MTOR: variants seen among roughly 807,000 people sequenced by gnomAD.
MTOR encodes the protein mechanistic target of rapamycin kinase, also known as serine/threonine-protein kinase mTOR.
MTOR carries 70 observed loss-of-function variants against 319.8 expected under a neutral mutation model. The ratio of observed to expected loss-of-function variants is 0.22; its 90% CI spans 0.18 to 0.27. The LOEUF (loss-of-function observed/expected upper bound fraction) is 0.27. Ranked by LOEUF, MTOR falls within the 10% of genes least tolerant of loss-of-function variation. MTOR has a pLI of 1.00. For missense variants in MTOR, 1,890 were observed against 3,274.4 expected, an observed-to-expected ratio of 0.58 and a Z score of 10.32; for synonymous variants, 1,183 against 1,211.4, an observed-to-expected ratio of 0.98 and a Z score of 0.49.
chr1:11,114,208 T>G (rs1642043644), intron 53 of MTOR, 110 bp downstream of exon 53: 3 of 1,350,482 alleles, frequency 2.2e-6, no homozygotes, highest in Non-Finnish European at 3.1e-6. Flanking sequence ...TTGCCCAGGC[T>G]GGTCTCGAAC....
chr1:11,127,489 G>T lies in MTOR; in HGVS notation c.6216+135C>A. ...CTCGTTTTATTAAAGTCAGTGGAAAGGCCAGAGGAAAAGAAATCTGACAAA... is the reference window on the plus strand; with the variant it reads ...CTCGTTTTATTAAAGTCAGTGGAAATGCCAGAGGAAAAGAAATCTGACAAA... On this transcript the variant is annotated intron_variant, in intron 44 of 57. Transcript: ENST00000361445. The surrounding 1 kb of genome is among the most constrained non-coding windows in gnomAD (Gnocchi z 5.5). The T allele has an allele frequency of 9.4e-7, 1 of 1,063,464 alleles. No homozygotes were observed. The highest frequency in any genetic ancestry group is 1.3e-6 in the Non-Finnish European group (1 of 752,518). 65.9% of individuals were successfully genotyped at this position (1,063,464 alleles called of 1,614,324 possible). A position where few individuals can be genotyped will look rare whatever the true frequency, so the allele number is the denominator to read the frequency against.
chr1:11,251,264 C>T (rs2100955888), intron 6 of MTOR, among the ~76,000 whole-genome samples: 1 of 152,320 alleles, frequency 6.6e-6, no homozygotes, highest in African/African-American at 2.4e-5. Context: ...GTATTTGCTG[C>T]TCCTCTAATA....
Position 11,199,215 on chromosome 1 carries a change from C to A in MTOR, c.4253+43G>T, listed in dbSNP as rs1390114326. ...CACCAGGCAGTGGGAGAAGAGAGGT[C>A]ATTTTGCATGAAGGCAGCAATTAAA... On this transcript the variant is annotated intron_variant, in intron 28 of 57. Coordinates refer to ENST00000361445, the MANE Select transcript of MTOR (RefSeq NM_004958.4). The surrounding 1 kb of genome is among the most constrained non-coding windows in gnomAD (Gnocchi z 4.5). 6 of 1,613,736 alleles carry A rather than the reference C, an allele frequency of 3.7e-6. No individual in the cohort carries two copies. The highest frequency in any genetic ancestry group is 5.1e-6 in the Non-Finnish European group (6 of 1,179,698).
intron 54 of MTOR, among the ~76,000 whole-genome samples, chr1:11,110,006 A>AAG (rs1641775992): frequency 6.6e-6 from 1 of 151,992 alleles, no homozygotes; most frequent in Non-Finnish European, 1.5e-5. Flanking sequence ...AAAAAAAAAA[A>AAG]AAAATTTTTA....
At chr1:11,237,779 AAGC>A in intron 13 of MTOR, 61 bp downstream of exon 13, 3 of 1,573,464 alleles carry the variant, frequency 1.9e-6, no homozygotes, top group Non-Finnish European at 2.6e-6. Context: ...CCGCTTCCTC[AAGC>A]AGTTCTCACA....
intron 6 of MTOR, 144 bp downstream of exon 6, chr1:11,253,692 TTGC>T (rs1649998005): frequency 2.2e-6 from 2 of 929,732 alleles, no homozygotes; most frequent in African/African-American, 3.3e-5. Context: ...TTCATAGAAC[TTGC>T]TGCTATCTGA....
intron 30 of MTOR, among the ~76,000 whole-genome samples, chr1:11,154,189 CA>C (rs2100553867): frequency 7.0e-6 from 1 of 143,042 alleles, no homozygotes; most frequent in Admixed American, 7.1e-5. Context: ...ACAACAACAA[CA>C]ACAACAACAG....
chr1:11,175,771 G>T (rs1206712070), intron 28 of MTOR, among the ~76,000 whole-genome samples: 2 of 137,982 alleles, frequency 1.4e-5, no homozygotes, highest in Admixed American at 1.6e-4. Context: ...TTGAGACAGG[G>T]TCTCACTCTG....
intron 28 of MTOR, among the ~76,000 whole-genome samples, chr1:11,171,194 CAAA>C (rs946569273): frequency 4.1e-5 from 5 of 122,596 alleles, no homozygotes; most frequent in African/African-American, 6.0e-5. Flanking sequence ...GACTCTATCT[CAAA>C]AAAAAAAAAA....
intron 28 of MTOR, among the ~76,000 whole-genome samples, chr1:11,170,453 T>C (rs1352495965): frequency 2.6e-5 from 4 of 152,022 alleles, no homozygotes; most frequent in Non-Finnish European, 4.4e-5. Flanking sequence ...CAGTGGTTCA[T>C]GCCTGTAATC....
At chr1:11,208,846 G>C (rs1646222437) in intron 25 of MTOR, among the ~76,000 whole-genome samples, 1 of 152,186 alleles carries the variant, frequency 6.6e-6, no homozygotes, top group Middle Eastern at 3.2e-3. Context: ...CATCACATTA[G>C]CTGGCAGCTT....
At chr1:11,184,288 C>A (rs1414025304) in intron 28 of MTOR, among the ~76,000 whole-genome samples, 2 of 152,180 alleles carry the variant, frequency 1.3e-5, no homozygotes, top group African/African-American at 4.8e-5. Context: ...GGATTAGAAT[C>A]CAGATTTGTC....
chr1:11,241,854 G>C (rs1222078046), intron 9 of MTOR, among the ~76,000 whole-genome samples, 173 bp from the exon 10 acceptor site: 1 of 152,168 alleles, frequency 6.6e-6, no homozygotes, highest in Non-Finnish European at 1.5e-5. Flanking sequence ...AATTACTGTA[G>C]ATTTGTACAT....
intron 8 of MTOR, among the ~76,000 whole-genome samples, chr1:11,246,818 G>A (rs1648894003): frequency 6.6e-6 from 1 of 152,196 alleles, no homozygotes; most frequent in Admixed American, 6.5e-5. Flanking sequence ...AGTATGAACA[G>A]GCAACTAGAG....
intron 25 of MTOR, among the ~76,000 whole-genome samples, chr1:11,207,470 G>A (rs573653121): frequency 2.9e-5 from 4 of 135,642 alleles, no homozygotes; most frequent in African/African-American, 1.1e-4. Flanking sequence ...GTGCAGTGGC[G>A]CAATCATAGC....
Position 11,139,824 on chromosome 1 carries a change from G to T in MTOR, c.4873-166C>A, listed in dbSNP as rs12121277. ...CTCCTGCCTCAGCCTCCCGAGTAGC[G>T]GGGATTACAGGCGTGTGCCATCATG... On this transcript the variant is annotated intron_variant, in intron 34 of 57. Coordinates refer to ENST00000361445, the MANE Select transcript of MTOR (RefSeq NM_004958.4). 0.097 allele frequency among the ~76,000 whole-genome samples: 14,697 copies of T among 152,084 alleles called. 1,196 individuals carry two copies. The highest frequency in any genetic ancestry group is 0.2 in the African/African-American group (8,373 of 41,436).
intron 53 of MTOR, 148 bp downstream of exon 53, chr1:11,114,170 A>T: frequency 3.5e-6 from 3 of 864,548 alleles, no homozygotes; most frequent in Admixed American, 2.7e-5. Flanking sequence ...TAATTTTTTC[A>T]GTTTTTGCAG....
At chr1:11,210,781 G>C (rs1220958485) in intron 24 of MTOR, 33 bp downstream of exon 24, 2 of 1,460,044 alleles carry the variant, frequency 1.4e-6, no homozygotes, top group Admixed American at 3.6e-5. Flanking sequence ...AAAGACAACA[G>C]GGACTTCAGA....
chr1:11,131,259 T>C (rs977512584), intron 38 of MTOR: 74 of 172,850 alleles, frequency 4.3e-4, no homozygotes, highest in African/African-American at 1.6e-3. Flanking sequence ...AGGCCAGAGA[T>C]GTGCAGATTG....
Sources: allele counts gnomAD v4.1 joint callset (sites outside exome capture counted in the v4.1 genomes callset), GRCh38; gene constraint gnomAD v4.1.1; non-coding constraint Gnocchi (gnomAD v3.1); transcripts MANE v1.5; gene names NCBI Gene and HGNC (gene_info 2026-07-23, HGNC 2026-07-21).